AMBRA1: variants seen among roughly 807,000 people sequenced by gnomAD.
AMBRA1 encodes the protein autophagy and beclin 1 regulator 1, also known as activating molecule in BECN1-regulated autophagy protein 1.
In AMBRA1, 47 loss-of-function variants were observed where a neutral mutation model predicts 125.4. The observed-to-expected ratio is 0.37, with a 90% CI of 0.30 to 0.48. AMBRA1 has a LOEUF of 0.48. AMBRA1 is among the 20% of genes least tolerant of loss of function. The pLI is 0.99. For synonymous variants in AMBRA1, 626 were observed against 655.5 expected, an observed-to-expected ratio of 0.95 and a Z score of 0.69; for missense variants, 1,331 against 1,693.4, an observed-to-expected ratio of 0.79 and a Z score of 3.76.
rs199949664 is a variant in AMBRA1, at chr11:46,548,235, A to G, written c.135+11T>C. On this transcript the variant is annotated intron_variant, in intron 2 of 17. Transcript: ENST00000683756. ...CACAAATCCTATGTGAAATATAGCC[A>G]TTTTCCTTACCTTGCCCTCCCATTT... The G allele has an allele frequency of 1.0e-4, 169 of 1,613,906 alleles. No homozygotes were observed. The highest frequency in any genetic ancestry group is 1.4e-4 in the Non-Finnish European group (160 of 1,179,976).
intron 11 of AMBRA1, among the ~76,000 whole-genome samples, chr11:46,445,082 A>C (rs571461793): frequency 1.1e-4 from 16 of 151,896 alleles, no homozygotes; most frequent in Admixed American, 5.2e-4. Flanking sequence ...AAAAAAAAAA[A>C]AACAAAAAAA....
At chr11:46,406,564 A>G (rs1412951448) in intron 17 of AMBRA1, among the ~76,000 whole-genome samples, 2 of 151,826 alleles carry the variant, frequency 1.3e-5, no homozygotes, top group African/African-American at 4.8e-5. Flanking sequence ...ATTTGCACAT[A>G]CATATATACA....
intron 11 of AMBRA1, among the ~76,000 whole-genome samples, chr11:46,445,461 C>A (rs1316901676): frequency 1.3e-5 from 2 of 152,106 alleles, no homozygotes; most frequent in Non-Finnish European, 2.9e-5. Context: ...CTTGCTTTAA[C>A]CTTCACAGAA....
chr11:46,513,372 GACA>G (rs1565237102), intron 7 of AMBRA1, among the ~76,000 whole-genome samples: 1 of 150,336 alleles, frequency 6.7e-6, no homozygotes, highest in Non-Finnish European at 1.5e-5. Context: ...GCTTTCAACT[GACA>G]ACGTTTACTT....
At chr11:46,480,449 GT>G (rs1319843682) in intron 11 of AMBRA1, among the ~76,000 whole-genome samples, 2 of 152,102 alleles carry the variant, frequency 1.3e-5, no homozygotes, top group Non-Finnish European at 2.9e-5. Flanking sequence ...TTTGGGGGTG[GT>G]TTGTTCAGCA....
chr11:46,516,500 G>A (rs369008392), intron 7 of AMBRA1, among the ~76,000 whole-genome samples: 26 of 138,802 alleles, frequency 1.9e-4, no homozygotes, highest in Non-Finnish European at 3.3e-4. Flanking sequence ...GCACGATCTC[G>A]GCTCACTGCA....
rs376646331 is a variant in AMBRA1 at position 46,486,230 on chromosome 11, G to GGGTA, written c.2521+7374_2521+7377dup. 5.3e-5 allele frequency among the ~76,000 whole-genome samples: 8 copies of GGGTA among 152,238 alleles called. No individual in the cohort carries two copies. In the East Asian group the frequency reaches 1.5e-3, roughly 29 times the overall value. ...CACTCATGTTATCTGCCTGGCTACT[G>GGGTA]GGTACCAGATGGGTACACGGCAGAA... On this transcript the variant is annotated intron_variant, in intron 11 of 17. Transcript: ENST00000683756.
chr11:46,520,697 G>A (rs550706564), intron 7 of AMBRA1, among the ~76,000 whole-genome samples: 119 of 150,468 alleles, frequency 7.9e-4, no homozygotes, highest in Non-Finnish European at 1.3e-3. Context: ...CCGGGTTCAC[G>A]CCATTCTCCT....
chr11:46,457,225 T>C (rs34444424), intron 11 of AMBRA1, among the ~76,000 whole-genome samples: 1,786 of 152,326 alleles, frequency 0.012, 43 homozygotes, highest in African/African-American at 0.041. Flanking sequence ...AAAGCCTGCT[T>C]CATTCAGGCT....
chr11:46,589,744 CA>C (rs573452935), intron 1 of AMBRA1, among the ~76,000 whole-genome samples: 3,173 of 151,994 alleles, frequency 0.021, 46 homozygotes, highest in Non-Finnish European at 0.032. Context: ...CTCAGTCTCC[CA>C]AGTAACTGGG....
At chr11:46,590,909 T>A (rs1159170686) in intron 1 of AMBRA1, among the ~76,000 whole-genome samples, 2 of 139,304 alleles carry the variant, frequency 1.4e-5, no homozygotes, top group Admixed American at 7.3e-5. Flanking sequence ...TGAGACTCCA[T>A]CTCAAAAAAA....
chr11:46,399,096 T>C (rs887270239), intron 17 of AMBRA1, among the ~76,000 whole-genome samples: 2 of 151,486 alleles, frequency 1.3e-5, no homozygotes, highest in Non-Finnish European at 2.9e-5. Flanking sequence ...TTTTTTGAAA[T>C]GGAGTTTTGT....
chr11:46,400,037 T>A (rs2136577547), intron 17 of AMBRA1, among the ~76,000 whole-genome samples: 1 of 152,208 alleles, frequency 6.6e-6, no homozygotes, highest in Non-Finnish European at 1.5e-5. Flanking sequence ...TGGTCAACGG[T>A]GCCTGTTGTG....
At chr11:46,455,635 A>T (rs775042308) in intron 11 of AMBRA1, among the ~76,000 whole-genome samples, 7 of 152,240 alleles carry the variant, frequency 4.6e-5, no homozygotes, top group Non-Finnish European at 7.3e-5. Flanking sequence ...CAAACAGAGG[A>T]TAGGGCTCAT....
At chr11:46,514,665 G>C (rs1369661031) in intron 7 of AMBRA1, among the ~76,000 whole-genome samples, 2 of 151,612 alleles carry the variant, frequency 1.3e-5, no homozygotes, top group Non-Finnish European at 2.9e-5. Flanking sequence ...GATAGAGACA[G>C]AGTCTGGCTA....
chr11:46,485,181 G>A lies in AMBRA1; in HGVS notation c.2521+8427C>T, dbSNP rs184531236. Among the ~76,000 whole-genome samples the A allele has an allele frequency of 3.4e-4, 52 of 152,038 alleles. No homozygotes were observed. The East Asian group carries it at 9.1e-3, about 27-fold the overall frequency. On this transcript the variant is annotated intron_variant, in intron 11 of 17. Coordinates refer to ENST00000683756, the MANE Select transcript of AMBRA1 (RefSeq NM_001387011.1). ...TCGAACTCCTGACCTCAGGTGATCC[G>A]CCCGCCTTGGCCTCCCAACATGCTG...
intron 11 of AMBRA1, among the ~76,000 whole-genome samples, chr11:46,479,211 GA>G (rs1294584397): frequency 1.3e-5 from 2 of 149,904 alleles, no homozygotes; most frequent in Non-Finnish European, 3.0e-5. Flanking sequence ...AGAAAGAAAA[GA>G]AAAAAAAAGC....
At chr11:46,422,480 C>A (rs1946891835) in intron 14 of AMBRA1, among the ~76,000 whole-genome samples, 1 of 152,068 alleles carries the variant, frequency 6.6e-6, no homozygotes, top group East Asian at 1.9e-4. Flanking sequence ...TGCCTCTCTA[C>A]CCCTCAAACT....
chr11:46,397,610 G>A lies in AMBRA1; in HGVS notation c.3737C>T (p.Pro1246Leu). 1 of 1,609,718 alleles carries A rather than the reference G, an allele frequency of 6.2e-7. No homozygotes were observed. The highest frequency in any genetic ancestry group is 1.3e-5 in the African/African-American group (1 of 74,998). Residue 1246 changes from proline (P) to leucine (L), a missense_variant, in exon 18 of 18, where the codon CCA becomes CTA. This residue lies in a region of AMBRA1 where 144 missense variants were observed against 133.9 expected (regional missense o/e 1.08). Coordinates refer to ENST00000683756, the MANE Select transcript of AMBRA1 (RefSeq NM_001387011.1). Reference sequence around the variant, plus strand: ...GACAGGGGAGGAAGAGGGCAGGGTTGGCTGGGTTGGCTCCCGCCCAGGGGT... The same window carrying A: ...GACAGGGGAGGAAGAGGGCAGGGTTAGCTGGGTTGGCTCCCGCCCAGGGGT... ...PGTPGREPTQ[P>L]TLPSSSPVPI...
Sources: allele counts gnomAD v4.1 joint callset (sites outside exome capture counted in the v4.1 genomes callset), GRCh38; gene constraint gnomAD v4.1.1; regional missense constraint gnomAD v4.1.1; transcripts MANE v1.5; gene names NCBI Gene and HGNC (gene_info 2026-07-23, HGNC 2026-07-21).